CASP9: variants seen among roughly 807,000 people sequenced by gnomAD.
CASP9 encodes caspase-9.
In CASP9, 29 loss-of-function variants were observed where a neutral mutation model predicts 43.5. The ratio of observed to expected loss-of-function variants is 0.67; its 90% CI spans 0.50 to 0.91. The LOEUF (loss-of-function observed/expected upper bound fraction) is 0.91. CASP9 is among the 40% of genes least tolerant of loss of function. The pLI, the probability that CASP9 is intolerant of heterozygous loss-of-function variation, is 0.00. For synonymous variants in CASP9, 206 were observed against 211.9 expected (o/e 0.97, Z 0.24); for missense variants, 575 against 537.4 (o/e 1.07, Z -0.69).
intron 7 of CASP9, 59 bp from the exon 8 acceptor site, chr1:15,494,060 C>A: frequency 6.5e-7 from 1 of 1,536,304 alleles, no homozygotes; most frequent in Non-Finnish European, 8.7e-7. Flanking sequence ...GGCTCCCCAC[C>A]ACCCCTCTGG....
At chr1:15,503,645 C>T (rs949569715) in intron 6 of CASP9, among the ~76,000 whole-genome samples, 5 of 152,210 alleles carry the variant, frequency 3.3e-5, no homozygotes, top group South Asian at 2.1e-4. Flanking sequence ...ACTCCACCAA[C>T]GTGGAATAGG....
At chr1:15,518,500 G>A (rs763920463) in intron 1 of CASP9, 105 bp from the exon 2 acceptor site, 15 of 1,236,890 alleles carry the variant, frequency 1.2e-5, no homozygotes, top group South Asian at 1.5e-5. Context: ...AATCAGGCAC[G>A]TGGGCAGCAA....
chr1:15,521,025 C>T (rs1479614386), intron 1 of CASP9, among the ~76,000 whole-genome samples: 1 of 151,804 alleles, frequency 6.6e-6, no homozygotes. Flanking sequence ...GGCGTGGTGG[C>T]GGGTGCCTGT....
intron 2 of CASP9, among the ~76,000 whole-genome samples, chr1:15,513,872 T>C (rs1709856105): frequency 6.6e-6 from 1 of 152,160 alleles, no homozygotes; most frequent in Non-Finnish European, 1.5e-5. Flanking sequence ...GCTCAGAGTC[T>C]CTGGGCTTCT....
chr1:15,524,494 G>GCC, upstream of CASP9: 1 of 596,862 alleles, frequency 1.7e-6, no homozygotes, highest in Non-Finnish European at 2.1e-6. Context: ...TCACCGCCCC[G>GCC]CCCCAGAACC....
chr1:15,496,131 G>A (rs1709096777), intron 6 of CASP9, among the ~76,000 whole-genome samples: 1 of 137,860 alleles, frequency 7.3e-6, no homozygotes, highest in South Asian at 2.2e-4. Context: ...ACCTGTCTCA[G>A]ATTTTTGGGG....
At chr1:15,495,534 T>A in intron 6 of CASP9, 82 bp from the exon 7 acceptor site, 1 of 1,208,534 alleles carries the variant, frequency 8.3e-7, no homozygotes, top group Non-Finnish European at 1.1e-6. Context: ...CGGTGCAATA[T>A]ACTACATTAA....
intron 2 of CASP9, among the ~76,000 whole-genome samples, chr1:15,513,639 G>A (rs1451657027): frequency 6.6e-6 from 1 of 152,154 alleles, no homozygotes; most frequent in Non-Finnish European, 1.5e-5. Flanking sequence ...TCCACCTGAA[G>A]GCAAGGACTG....
In CASP9 at chr1:15,518,527, C is replaced by CTGCG. The variant is rs4646006; in HGVS notation, c.133-133_133-132insCGCA. The stretch of plus-strand genomic sequence containing the variant: ...GGGCAGCAATGGAGCTGCAGGTGCA[C>CTGCG]TGTGTGCCATTTACCAGCCTTTGCT... On this transcript the variant is annotated intron_variant, in intron 1 of 8. Transcript: ENST00000333868. 6.9e-6 allele frequency: 6 copies of CTGCG among 870,960 alleles called. No individual in the cohort carries two copies. The African/African-American group carries it at 8.5e-5, about 12-fold the overall frequency. 54.0% of individuals were successfully genotyped at this position (870,960 alleles called of 1,614,324 possible). A position where few individuals can be genotyped will look rare whatever the true frequency, so the allele number is the denominator to read the frequency against.
At chr1:15,520,548 G>C (rs532770717) in intron 1 of CASP9, among the ~76,000 whole-genome samples, 1 of 152,386 alleles carries the variant, frequency 6.6e-6, no homozygotes, top group East Asian at 1.9e-4. Context: ...AAGTGACCTA[G>C]AAGGCAAGAG....
intron 6 of CASP9, among the ~76,000 whole-genome samples, chr1:15,500,437 A>C (rs1040463370): frequency 6.6e-6 from 1 of 152,162 alleles, no homozygotes; most frequent in Admixed American, 6.5e-5. Context: ...GCAACCCCAT[A>C]ATAGTAACAC....
rs575222581 is a variant in CASP9 at position 15,499,166 on chromosome 1, C to A, written c.869-3714G>T. 8.5e-5 allele frequency among the ~76,000 whole-genome samples: 13 copies of A among 152,282 alleles called. 1 individual carries two copies. In the South Asian group the frequency reaches 2.7e-3, roughly 32 times the overall value. The stretch of plus-strand genomic sequence containing the variant: ...TGAGATAAGTTAAGGGGTTTCCCCC[C>A]AGACAGAGGCTGACTGGGACTTTGA... On this transcript the variant is annotated intron_variant, in intron 6 of 8. Coordinates refer to ENST00000333868, the MANE Select transcript of CASP9 (RefSeq NM_001229.5).
chr1:15,506,439 G>C (rs1194280147), intron 4 of CASP9, among the ~76,000 whole-genome samples: 2 of 152,030 alleles, frequency 1.3e-5, no homozygotes, highest in Non-Finnish European at 2.9e-5. Flanking sequence ...CTGGATGACA[G>C]AGTGGGACTC....
Position 15,509,687 on chromosome 1 carries a change from G to C in CASP9, c.419-1780C>G, listed in dbSNP as rs1257215293. Among the ~76,000 whole-genome samples the C allele has an allele frequency of 2.6e-5, 4 of 151,634 alleles. No homozygotes were observed. The East Asian group carries it at 7.8e-4, about 29-fold the overall frequency. ...GCTGCGTGAAAAAAGCCAGACACCAGAGAGTATAGAAATAGTGTGGTCTCA... is the reference window on the plus strand; with the variant it reads ...GCTGCGTGAAAAAAGCCAGACACCACAGAGTATAGAAATAGTGTGGTCTCA... On this transcript the variant is annotated intron_variant, in intron 2 of 8. Transcript: ENST00000333868.
chr1:15,493,474 C>T lies in CASP9; in HGVS notation c.1158+418G>A, dbSNP rs4646102. The T allele has an allele frequency of 2.2e-4, 287 of 1,282,060 alleles. 4 individuals are homozygous for T. In the African/African-American group the frequency reaches 3.6e-3, roughly 16 times the overall value. 79.4% of individuals were successfully genotyped at this position (1,282,060 alleles called of 1,614,324 possible). A position where few individuals can be genotyped will look rare whatever the true frequency, so the allele number is the denominator to read the frequency against. On this transcript the variant is annotated intron_variant, in intron 8 of 8. Transcript: ENST00000333868. ...CCTATCTGTTTCCTCACTGGGGCCT[C>T]CTGAGAAGGCGATGTACAAGGAGGG...
intron 6 of CASP9, among the ~76,000 whole-genome samples, chr1:15,496,502 T>C (rs368677571): frequency 1.3e-5 from 2 of 152,192 alleles, no homozygotes; most frequent in East Asian, 3.9e-4. Context: ...TATGATTTTA[T>C]ATGCAGAAAA....
chr1:15,502,537 T>C (rs560495091), intron 6 of CASP9, among the ~76,000 whole-genome samples: 2 of 152,012 alleles, frequency 1.3e-5, no homozygotes, highest in East Asian at 3.9e-4. Context: ...AGCCTGGACA[T>C]CCTGGGAAGG....
intron 1 of CASP9, 126 bp downstream of exon 1, chr1:15,523,943 T>C (rs910196443): frequency 1.5e-6 from 1 of 656,386 alleles, no homozygotes; most frequent in Non-Finnish European, 2.5e-6. Flanking sequence ...CTAAGAGGTG[T>C]TTGGGATTCT....
chr1:15,495,869 A>T (rs182352462), intron 6 of CASP9, among the ~76,000 whole-genome samples: 6 of 152,326 alleles, frequency 3.9e-5, no homozygotes, highest in Non-Finnish European at 8.8e-5. Flanking sequence ...TTACGTAAAA[A>T]TGCAGGTTCC....
Sources: gnomAD v4.1 joint callset for allele counts (sites outside exome capture counted in the v4.1 genomes callset) on GRCh38, gnomAD v4.1.1 for gene constraint, MANE v1.5 for transcripts, NCBI Gene and HGNC (gene_info 2026-07-23, HGNC 2026-07-21) for gene names.